ATP8A1: variants seen among roughly 807,000 people sequenced by gnomAD.
ATP8A1 encodes phospholipid-transporting ATPase IA.
Under a neutral mutation model 177.7 loss-of-function variants are expected in ATP8A1, and 90 were observed. The observed-to-expected ratio is 0.51, with a 90% CI of 0.43 to 0.60. The LOEUF (loss-of-function observed/expected upper bound fraction) is 0.60, where lower values mean the gene tolerates loss of function less well. ATP8A1 is among the 20% of genes least tolerant of loss of function. ATP8A1 has a pLI of 0.00. For missense variants in ATP8A1, 1,072 were observed against 1,392.8 expected, an observed-to-expected ratio of 0.77 and a Z score of 3.67; for synonymous variants, 493 against 485.9, an observed-to-expected ratio of 1.01 and a Z score of -0.19.
At chr4:42,518,841 T>G (rs4861032) in intron 22 of ATP8A1, among the ~76,000 whole-genome samples, 152,308 of 152,308 alleles carry the variant, frequency 1, 76,154 homozygotes, top group Non-Finnish European at 1. Flanking sequence ...AGGGTAACAT[T>G]CTGGAAGAAT....
At chr4:42,539,397 C>CT (rs1465949548) in intron 20 of ATP8A1, among the ~76,000 whole-genome samples, 2 of 76,858 alleles carry the variant, frequency 2.6e-5, no homozygotes, top group Non-Finnish European at 5.4e-5. Flanking sequence ...AATAAAATAC[C>CT]CCCCCCCCAA....
intron 19 of ATP8A1, among the ~76,000 whole-genome samples, chr4:42,545,964 A>G (rs1268948085): frequency 1.3e-5 from 2 of 151,606 alleles, no homozygotes; most frequent in African/African-American, 4.8e-5. Context: ...ACAGAGAGAC[A>G]CTCTGTCTCG....
intron 16 of ATP8A1, among the ~76,000 whole-genome samples, chr4:42,554,219 C>G (rs976186999): frequency 3.3e-5 from 5 of 152,124 alleles, no homozygotes; most frequent in African/African-American, 1.2e-4. Context: ...CAGGAATCCA[C>G]AGAGTGGGTG....
intron 17 of ATP8A1, 140 bp downstream of exon 17, chr4:42,552,365 A>T (rs1729591084): frequency 4.5e-6 from 3 of 659,910 alleles, no homozygotes; most frequent in Non-Finnish European, 7.7e-6. Flanking sequence ...TTAACCTTGA[A>T]AGCCAAGGTT....
chr4:42,498,704 AATG>A (rs1723526516), intron 24 of ATP8A1, among the ~76,000 whole-genome samples: 1 of 152,180 alleles, frequency 6.6e-6, no homozygotes, highest in South Asian at 2.1e-4. Context: ...TAAAAAAAAA[AATG>A]ATGATGATGT....
rs754333686 is a variant in ATP8A1, at chr4:42,422,909, GAA to G, written c.3213-12_3213-11del. On this transcript the variant is annotated splice_polypyrimidine_tract_variant and intron_variant, in intron 34 of 36. Transcript: ENST00000381668. Reference sequence around the variant, plus strand: ...AGCAGTCCTCTTGATACTGCAAAAAGAAAAAAAAAGGGATTTGCATGGAAATA... The same window carrying G: ...AGCAGTCCTCTTGATACTGCAAAAAGAAAAAAAGGGATTTGCATGGAAATA... 1.9e-6 allele frequency: 3 copies of G among 1,548,266 alleles called. No individual in the cohort carries two copies. The highest frequency in any genetic ancestry group is 1.7e-6 in the Non-Finnish European group (2 of 1,148,602).
chr4:42,612,731 GAGTTA>G (rs1415678864), intron 5 of ATP8A1, among the ~76,000 whole-genome samples: 2 of 151,956 alleles, frequency 1.3e-5, no homozygotes, highest in Non-Finnish European at 2.9e-5. Context: ...ATCCCTGATT[GAGTTA>G]ACTTATCAGT....
At chr4:42,550,358 A>G (rs1221975104) in intron 18 of ATP8A1, among the ~76,000 whole-genome samples, 1 of 151,998 alleles carries the variant, frequency 6.6e-6, no homozygotes, top group East Asian at 1.9e-4. Context: ...ATTGATGGGC[A>G]TTTGGTTTGG....
chr4:42,632,554 T>A (rs188871691), intron 1 of ATP8A1, among the ~76,000 whole-genome samples: 2 of 152,358 alleles, frequency 1.3e-5, no homozygotes, highest in African/African-American at 4.8e-5. Context: ...TAGGGAATAG[T>A]CACATGTAAC....
At chr4:42,525,477 A>C (rs146918587) in intron 20 of ATP8A1, among the ~76,000 whole-genome samples, 18 of 152,318 alleles carry the variant, frequency 1.2e-4, no homozygotes, top group African/African-American at 4.3e-4. Context: ...AACTCTCGAA[A>C]TGCCTTAAAT....
chr4:42,504,054 G>C (rs1043250982), intron 23 of ATP8A1, among the ~76,000 whole-genome samples: 1 of 152,100 alleles, frequency 6.6e-6, no homozygotes, highest in Non-Finnish European at 1.5e-5. Flanking sequence ...CTCTGTACCT[G>C]TTTGCTACAG....
intron 4 of ATP8A1, among the ~76,000 whole-genome samples, chr4:42,620,023 A>G (rs1737310901): frequency 6.6e-6 from 1 of 152,214 alleles, no homozygotes; most frequent in South Asian, 2.1e-4. Flanking sequence ...ATATTAAGCC[A>G]CTGACATATG....
intron 11 of ATP8A1, 42 bp downstream of exon 11, chr4:42,579,769 CAT>C (rs1384528942): frequency 1.4e-5 from 21 of 1,490,790 alleles, no homozygotes; most frequent in East Asian, 2.4e-5. Context: ...GAAACAAATA[CAT>C]GTCTTAATCT....
intron 5 of ATP8A1, 63 bp from the exon 6 acceptor site, chr4:42,600,581 G>C: frequency 1.4e-6 from 2 of 1,475,880 alleles, no homozygotes; most frequent in Non-Finnish European, 1.8e-6. Flanking sequence ...CATTTCTGAT[G>C]AAATAATAAT....
intron 25 of ATP8A1, chr4:42,472,348 G>C: frequency 2.4e-6 from 1 of 408,604 alleles, no homozygotes; most frequent in Non-Finnish European, 4.8e-6. Context: ...AGGCGAGGAT[G>C]TTAATTTTGA....
At chr4:42,433,294 G>A (rs1222213666) in intron 33 of ATP8A1, among the ~76,000 whole-genome samples, 1 of 152,120 alleles carries the variant, frequency 6.6e-6, no homozygotes, top group African/African-American at 2.4e-5. Flanking sequence ...TTCTCTGTTA[G>A]TCCCTGTGCA....
intron 25 of ATP8A1, among the ~76,000 whole-genome samples, chr4:42,483,097 G>A (rs1159682729): frequency 6.6e-6 from 1 of 152,122 alleles, no homozygotes; most frequent in East Asian, 1.9e-4. Flanking sequence ...ACACAGAATG[G>A]CCCACCTATT....
chr4:42,524,244 C>A (rs558897142), intron 21 of ATP8A1, among the ~76,000 whole-genome samples: 15 of 152,264 alleles, frequency 9.9e-5, no homozygotes, highest in African/African-American at 3.4e-4. Context: ...TCAGGCCTCA[C>A]ACAGAGCCTG....
chr4:42,582,907 T>A (rs1452724044), intron 9 of ATP8A1, among the ~76,000 whole-genome samples: 1 of 152,046 alleles, frequency 6.6e-6, no homozygotes, highest in Non-Finnish European at 1.5e-5. Flanking sequence ...TTGAGGAAAA[T>A]GTAATACATA....
Sources: allele counts gnomAD v4.1 joint callset (sites outside exome capture counted in the v4.1 genomes callset), GRCh38; gene constraint gnomAD v4.1.1; transcripts MANE v1.5; gene names NCBI Gene and HGNC (gene_info 2026-07-23, HGNC 2026-07-21).